GCNT2: variants seen among roughly 807,000 people sequenced by gnomAD.
The protein encoded by GCNT2 is N-acetyllactosaminide beta-1,6-N-acetylglucosaminyl-transferase.
GCNT2 carries 34 observed loss-of-function variants against 34.2 expected under a neutral mutation model. That is an observed-to-expected ratio of 1.00 (90% CI 0.76 to 1.32). GCNT2 has a LOEUF of 1.32. Ranked by LOEUF, GCNT2 falls within the 40% of genes most tolerant of loss-of-function variation. GCNT2 has a pLI of 0.00. For synonymous variants in GCNT2, 212 were observed against 188.0 expected (o/e 1.13, Z -1.04); for missense variants, 584 against 489.4 (o/e 1.19, Z -1.82).
chr6:10,616,864 C>T (rs1409590917), intron 3 of GCNT2, among the ~76,000 whole-genome samples: 1 of 152,214 alleles, frequency 6.6e-6, no homozygotes, highest in Non-Finnish European at 1.5e-5. Context: ...CTGAGCTAGA[C>T]ACAGGGTGCT....
At chr6:10,618,058 T>C (rs1236785542) in intron 3 of GCNT2, among the ~76,000 whole-genome samples, 1 of 151,954 alleles carries the variant, frequency 6.6e-6, no homozygotes, top group African/African-American at 2.4e-5. Context: ...CCTGGCCAGA[T>C]TCTGCATTTC....
chr6:10,593,836 G>A (rs1478675129), intron 3 of GCNT2, among the ~76,000 whole-genome samples: 14 of 152,152 alleles, frequency 9.2e-5, no homozygotes. Flanking sequence ...CAATACAAAA[G>A]CATCTCCTTC....
chr6:10,552,342 G>A (rs993442869), intron 3 of GCNT2, among the ~76,000 whole-genome samples: 4 of 151,684 alleles, frequency 2.6e-5, no homozygotes, highest in Non-Finnish European at 2.9e-5. Flanking sequence ...GCCACCCAGA[G>A]CAGAATTACA....
chr6:10,605,547 C>T (rs1273964178), intron 3 of GCNT2, among the ~76,000 whole-genome samples: 1 of 151,918 alleles, frequency 6.6e-6, no homozygotes, highest in Non-Finnish European at 1.5e-5. Flanking sequence ...TGTCTGGGCC[C>T]CACCTCCACC....
chr6:10,548,702 G>T (rs1186686451), intron 3 of GCNT2, among the ~76,000 whole-genome samples: 1 of 151,880 alleles, frequency 6.6e-6, no homozygotes, highest in East Asian at 1.9e-4. Context: ...CCGTTTTGTT[G>T]CAGGCAGTTG....
chr6:10,612,541 T>G (rs912119523), intron 3 of GCNT2, among the ~76,000 whole-genome samples: 1 of 152,122 alleles, frequency 6.6e-6, no homozygotes, highest in African/African-American at 2.4e-5. Flanking sequence ...TAGATTATAG[T>G]AAAAAAAGCG....
intron 3 of GCNT2, 125 bp from the exon 4 acceptor site, chr6:10,621,226 C>T: frequency 1.4e-6 from 1 of 716,232 alleles, no homozygotes; most frequent in Non-Finnish European, 2.5e-6. Flanking sequence ...ACATACCAAT[C>T]TGTGTGAAAT....
At chr6:10,574,722 T>G (rs1379605683) in intron 3 of GCNT2, 3 of 493,652 alleles carry the variant, frequency 6.1e-6, no homozygotes, top group Non-Finnish European at 1.1e-5. Flanking sequence ...AGTCTAGAGG[T>G]CTTTTATTTT....
intron 3 of GCNT2, among the ~76,000 whole-genome samples, chr6:10,576,330 C>A (rs1581431928): frequency 6.6e-6 from 1 of 152,172 alleles, no homozygotes; most frequent in African/African-American, 2.4e-5. Context: ...TGAGTTGTTG[C>A]AACAGAGACC....
At chr6:10,547,782 T>C (rs1251745379) in intron 3 of GCNT2, among the ~76,000 whole-genome samples, 1 of 152,218 alleles carries the variant, frequency 6.6e-6, no homozygotes, top group African/African-American at 2.4e-5. Flanking sequence ...GTTTATTAGT[T>C]GACATTCAAC....
At chr6:10,578,849 CTT>C (rs894673312) in intron 3 of GCNT2, among the ~76,000 whole-genome samples, 2 of 152,072 alleles carry the variant, frequency 1.3e-5, no homozygotes, top group Non-Finnish European at 2.9e-5. Context: ...AAGATCATCA[CTT>C]TTGAGCACTT....
intron 3 of GCNT2, chr6:10,556,254 A>T (rs1056963516): frequency 2.0e-6 from 3 of 1,471,102 alleles, no homozygotes; most frequent in Admixed American, 2.4e-5. Flanking sequence ...GCACAGGGAC[A>T]GAGACAGCAG....
intron 3 of GCNT2, among the ~76,000 whole-genome samples, chr6:10,537,268 C>T (rs1761804002): frequency 1.3e-5 from 2 of 152,184 alleles, no homozygotes; most frequent in Non-Finnish European, 1.5e-5. Context: ...GTTTGTTCTT[C>T]GGGCATTCTG....
At chr6:10,594,012 G>C (rs1764749382) in intron 3 of GCNT2, among the ~76,000 whole-genome samples, 1 of 152,190 alleles carries the variant, frequency 6.6e-6, no homozygotes, top group African/African-American at 2.4e-5. Context: ...ATAGTACTTA[G>C]TTCCCAGAGA....
intron 3 of GCNT2, among the ~76,000 whole-genome samples, chr6:10,582,360 TATA>T (rs1475790987): frequency 9.6e-5 from 11 of 114,172 alleles, no homozygotes; most frequent in Admixed American, 3.2e-4. Context: ...TAATATTAAA[TATA>T]ATATATACTA....
In GCNT2 at chr6:10,582,536, T is replaced by A. The variant is rs547489840; in HGVS notation, c.926-38815T>A. 9.8e-3 allele frequency among the ~76,000 whole-genome samples: 1,223 copies of A among 124,680 alleles called. 23 individuals carry two copies. The highest frequency in any genetic ancestry group is 0.027 in the African/African-American group (882 of 32,370). 81.8% of individuals were successfully genotyped at this position (124,680 alleles called of 152,430 possible). ...ATATATTATATTATACATCATATAT[T>A]ATATATCATGTATAATATATATCAT... is the stretch of plus-strand genomic sequence containing the variant. On this transcript the variant is annotated intron_variant, in intron 3 of 4. Coordinates refer to ENST00000495262, the MANE Select transcript of GCNT2 (RefSeq NM_145649.5).
chr6:10,533,910 C>T lies in GCNT2; in HGVS notation c.925+4074C>T, dbSNP rs546393267. Reference sequence around the variant, plus strand: ...GACCACAGGCAGGGGAGGTGGACCACGCATCCTCATTGCTGGTGCAGTGGT... The same window carrying T: ...GACCACAGGCAGGGGAGGTGGACCATGCATCCTCATTGCTGGTGCAGTGGT... On this transcript the variant is annotated intron_variant, in intron 3 of 4. Coordinates refer to ENST00000495262, the MANE Select transcript of GCNT2 (RefSeq NM_145649.5). Among the ~76,000 whole-genome samples, 8 of 151,576 alleles carry T rather than the reference C, an allele frequency of 5.3e-5. No individual in the cohort carries two copies. In the South Asian group the frequency reaches 1.0e-3, roughly 20 times the overall value.
At chr6:10,597,988 A>G (rs1034573839) in intron 3 of GCNT2, among the ~76,000 whole-genome samples, 2 of 152,162 alleles carry the variant, frequency 1.3e-5, no homozygotes, top group Non-Finnish European at 2.9e-5. Context: ...CACACTATAC[A>G]ATTCTGTTCT....
At chr6:10,573,232 G>T in intron 3 of GCNT2, 1 of 984,416 alleles carries the variant, frequency 1.0e-6, no homozygotes, top group Non-Finnish European at 1.2e-6. Flanking sequence ...CTTTTTCCTC[G>T]GATGCGACAT....
Sources: gnomAD v4.1 joint callset for allele counts (sites outside exome capture counted in the v4.1 genomes callset) on GRCh38, gnomAD v4.1.1 for gene constraint, MANE v1.5 for transcripts, NCBI Gene and HGNC (gene_info 2026-07-23, HGNC 2026-07-21) for gene names.